Variants in ZNF385B observed in about 807,000 individuals in gnomAD.
The protein encoded by ZNF385B is zinc finger protein 533.
In ZNF385B, 23 loss-of-function variants were observed where a neutral mutation model predicts 39.2. That is an observed-to-expected ratio of 0.59 (90% confidence interval 0.42 to 0.83). The LOEUF is 0.83. Among genes scored for constraint, ZNF385B ranks in the 40% least tolerant of loss-of-function variants. The pLI, the probability that ZNF385B is intolerant of heterozygous loss-of-function variation, is 0.00. For missense variants in ZNF385B, 552 were observed against 598.9 expected (o/e 0.92, Z 0.82); for synonymous variants, 205 against 222.6 (o/e 0.92, Z 0.70).
At chr2:179,615,747 C>T (rs1375466786) in intron 3 of ZNF385B, among the ~76,000 whole-genome samples, 1 of 152,108 alleles carries the variant, frequency 6.6e-6, no homozygotes. Flanking sequence ...CTTGACCTTA[C>T]CCAGACCTAG....
At chr2:179,505,665 A>C (rs17815250) in intron 5 of ZNF385B, among the ~76,000 whole-genome samples, 10,441 of 152,178 alleles carry the variant, frequency 0.069, 425 homozygotes, top group South Asian at 0.11. Flanking sequence ...GGTGATTATA[A>C]GTTAGCACTA....
chr2:179,827,605 CT>C (rs1300294051), intron 1 of ZNF385B, among the ~76,000 whole-genome samples: 2 of 151,604 alleles, frequency 1.3e-5, no homozygotes, highest in African/African-American at 2.4e-5. Flanking sequence ...AAAAATAAAC[CT>C]CACATATCTC....
chr2:179,692,214 G>T (rs1226776077), intron 3 of ZNF385B, among the ~76,000 whole-genome samples: 1 of 152,122 alleles, frequency 6.6e-6, no homozygotes, highest in Admixed American at 6.6e-5. Flanking sequence ...TGCTGAAGGG[G>T]TGGGTCACTG....
In ZNF385B at chr2:179,715,513, T is replaced by A. The variant is rs148090891; in HGVS notation, c.298+53990A>T. On this transcript the variant is annotated intron_variant, in intron 3 of 9. Coordinates refer to ENST00000410066, the MANE Select transcript of ZNF385B (RefSeq NM_152520.6). ...TGGGACCAAAAATAACATTTACAGC[T>A]GGTTCCATGAGTTAAGAATGTATGC... Among the ~76,000 whole-genome samples the A allele has an allele frequency of 1.6e-3, 242 of 152,318 alleles. 3 individuals are homozygous for A. The highest frequency in any genetic ancestry group is 2.2e-3 in the Non-Finnish European group (153 of 68,020).
intron 2 of ZNF385B, 35 bp from the exon 3 acceptor site, chr2:179,769,837 T>G: frequency 1.3e-6 from 2 of 1,532,988 alleles, no homozygotes; most frequent in Non-Finnish European, 1.8e-6. Context: ...GCTTCTGAAA[T>G]GATATATGCC....
rs1237905520 is a variant in ZNF385B at position 179,636,881 on chromosome 2, GTT to G, written c.299-91914_299-91913del. On this transcript the variant is annotated intron_variant, in intron 3 of 9. Transcript: ENST00000410066. ...ATAAAAGAGTAATCATGTCGATATA[GTT>G]TTTTTCTTATTGCATTGGTGGAGTG... Among the ~76,000 whole-genome samples, 2 of 152,038 alleles carry G rather than the reference GTT, an allele frequency of 1.3e-5. 1 individual carries two copies. The highest frequency in any genetic ancestry group is 4.8e-5 in the African/African-American group (2 of 41,382).
intron 3 of ZNF385B, among the ~76,000 whole-genome samples, chr2:179,636,574 T>G (rs969554444): frequency 2.0e-5 from 3 of 152,184 alleles, no homozygotes; most frequent in Non-Finnish European, 2.9e-5. Flanking sequence ...TATGATCACG[T>G]GGACACACTT....
At chr2:179,776,941 A>G (rs1704356999) in intron 1 of ZNF385B, among the ~76,000 whole-genome samples, 2 of 152,124 alleles carry the variant, frequency 1.3e-5, no homozygotes, top group Non-Finnish European at 2.9e-5. Context: ...TTATTATTGT[A>G]GATCCAAAGC....
chr2:179,842,026 C>T (rs1708562377), intron 1 of ZNF385B, among the ~76,000 whole-genome samples: 2 of 152,202 alleles, frequency 1.3e-5, no homozygotes, highest in African/African-American at 4.8e-5. Context: ...CCAGGAATCA[C>T]TCAACTTTCT....
chr2:179,832,132 G>A (rs1349407190), intron 1 of ZNF385B, among the ~76,000 whole-genome samples: 1 of 152,144 alleles, frequency 6.6e-6, no homozygotes, highest in Non-Finnish European at 1.5e-5. Flanking sequence ...TCAGGATTAG[G>A]AAGATGAGAG....
chr2:179,698,979 A>G (rs1698969693), intron 3 of ZNF385B, among the ~76,000 whole-genome samples: 1 of 152,178 alleles, frequency 6.6e-6, no homozygotes, highest in African/African-American at 2.4e-5. Flanking sequence ...GAAGTTTGAC[A>G]AATGTTTTTT....
chr2:179,501,625 G>T (rs2056771081), intron 5 of ZNF385B, among the ~76,000 whole-genome samples: 1 of 152,056 alleles, frequency 6.6e-6, no homozygotes, highest in African/African-American at 2.4e-5. Flanking sequence ...TGGTTAATAG[G>T]TACCAAAAAG....
chr2:179,811,318 T>C (rs1035942805), intron 1 of ZNF385B, among the ~76,000 whole-genome samples: 2 of 152,144 alleles, frequency 1.3e-5, no homozygotes, highest in Middle Eastern at 3.2e-3. Context: ...ATTAAATTCA[T>C]ATAGAACCAA....
At chr2:179,850,268 A>G (rs10195952) in intron 1 of ZNF385B, among the ~76,000 whole-genome samples, 40,004 of 152,058 alleles carry the variant, frequency 0.26, 5,492 homozygotes, top group Non-Finnish European at 0.29. Flanking sequence ...AAGGGGACAG[A>G]TTGTAGCAAT....
chr2:179,760,221 T>TGC (rs111292369), intron 3 of ZNF385B, among the ~76,000 whole-genome samples: 2,092 of 138,546 alleles, frequency 0.015, 27 homozygotes, highest in Middle Eastern at 0.035. Flanking sequence ...GATTCCTGTG[T>TGC]GCGTGTGTGT....
intron 3 of ZNF385B, among the ~76,000 whole-genome samples, chr2:179,754,435 T>C (rs916995991): frequency 1.1e-4 from 17 of 152,224 alleles, no homozygotes; most frequent in Non-Finnish European, 2.1e-4. Context: ...GTCAGGATAA[T>C]GCTGTCCTCA....
intron 1 of ZNF385B, among the ~76,000 whole-genome samples, chr2:179,836,204 A>T (rs568462765): frequency 8.4e-4 from 128 of 152,332 alleles, no homozygotes; most frequent in African/African-American, 2.8e-3. Context: ...GTGAGAAATT[A>T]TCATGTTTAT....
Position 179,700,139 on chromosome 2 carries a change from C to T in ZNF385B, c.298+69364G>A, listed in dbSNP as rs1267949306. 3.3e-5 allele frequency among the ~76,000 whole-genome samples: 5 copies of T among 151,898 alleles called. No individual in the cohort carries two copies. The East Asian group carries it at 9.7e-4, about 29-fold the overall frequency. On this transcript the variant is annotated intron_variant, in intron 3 of 9. Coordinates refer to ENST00000410066, the MANE Select transcript of ZNF385B (RefSeq NM_152520.6). The stretch of plus-strand genomic sequence containing the variant: ...TTTCATCAAAAAAGCCTCCAAAAAG[C>T]ACCTTATGCAAATGACTTTCCCTGA...
At chr2:179,847,120 G>C (rs1304202499) in intron 1 of ZNF385B, among the ~76,000 whole-genome samples, 1 of 152,158 alleles carries the variant, frequency 6.6e-6, no homozygotes, top group Non-Finnish European at 1.5e-5. Context: ...GACAAATTGG[G>C]TGCCACTGCT....
Sources: gnomAD v4.1 joint callset for allele counts (sites outside exome capture counted in the v4.1 genomes callset) on GRCh38, gnomAD v4.1.1 for gene constraint, MANE v1.5 for transcripts, NCBI Gene and HGNC (gene_info 2026-07-23, HGNC 2026-07-21) for gene names.